SFTPD: variants seen among roughly 807,000 people sequenced by gnomAD.
SFTPD encodes the protein surfactant protein D, also known as pulmonary surfactant-associated protein D.
SFTPD carries 18 observed loss-of-function variants against 34.6 expected under a neutral mutation model. The observed-to-expected ratio is 0.52, with a 90% confidence interval of 0.36 to 0.77. The LOEUF (loss-of-function observed/expected upper bound fraction) is 0.77. Among genes scored for constraint, SFTPD ranks in the 30% least tolerant of loss-of-function variants. The pLI is 0.00. For missense variants in SFTPD, 433 were observed against 468.9 expected, an observed-to-expected ratio of 0.92 and a Z score of 0.71; for synonymous variants, 155 against 180.9, an observed-to-expected ratio of 0.86 and a Z score of 1.15.
At position 79,946,503 on chromosome 10, in the gene SFTPD, G is replaced by C; in HGVS notation, c.157C>G (p.Arg53Gly). ...VESGLPGRDG[R>G]DGREGPRGEK... ...CCCCGAGGGCCCTCTCTCCCATCCC[G>C]TCCATCGCGACCAGGCAGGCCACTC... The change falls in exon 2 of 8, where the codon CGG becomes GGG. Residue 53 changes from arginine to glycine, a missense_variant. Physicochemically the swap from Arg to Gly is moderately radical, Grantham distance 125. Transcript: ENST00000372292. 1 of 1,614,060 alleles carries C rather than the reference G, an allele frequency of 6.2e-7. No individual in the cohort carries two copies. The highest frequency in any genetic ancestry group is 8.5e-7 in the Non-Finnish European group (1 of 1,179,986).
chr10:79,952,640 G>A (rs573370892), upstream of SFTPD, among the ~76,000 whole-genome samples: 124 of 152,214 alleles, frequency 8.1e-4, no homozygotes, highest in Non-Finnish European at 1.4e-3. Flanking sequence ...GGTCCCACCC[G>A]TCCCCTGTGG....
In SFTPD at chr10:79,944,012, G is replaced by C. The variant is rs184347005; in HGVS notation, c.200-1133C>G. 3.2e-4 allele frequency among the ~76,000 whole-genome samples: 49 copies of C among 152,370 alleles called. No individual in the cohort carries two copies. In the South Asian group the frequency reaches 3.3e-3, roughly 10 times the overall value. ...GCCATGAGAGCACCAGGGTGGAGGA[G>C]GGGCACCTCCCCAAATGCTGCACCC... On this transcript the variant is annotated intron_variant, in intron 2 of 7. Coordinates refer to ENST00000372292, the MANE Select transcript of SFTPD (RefSeq NM_003019.5).
At chr10:79,970,108 C>T (rs1842827199) in intron 1 of SFTPD, 1 of 152,190 alleles carries the variant, frequency 6.6e-6, no homozygotes, top group Non-Finnish European at 1.5e-5. Context: ...CTCCAGTTTT[C>T]CCAACATCAT....
chr10:79,952,337 G>A (rs545546304), upstream of SFTPD, among the ~76,000 whole-genome samples: 16 of 152,274 alleles, frequency 1.1e-4, no homozygotes, highest in African/African-American at 2.2e-4. Context: ...GACAGCCAAC[G>A]GTCTATCTGG....
chr10:79,978,424 G>T (rs577238917), intron 1 of SFTPD, among the ~76,000 whole-genome samples: 1 of 152,188 alleles, frequency 6.6e-6, no homozygotes, highest in East Asian at 1.9e-4. Flanking sequence ...GGCCAACGTG[G>T]GTGGATCACT....
rs575021439 is a variant in SFTPD, at chr10:79,977,344, G to A, written c.36+5231C>T. ...AAGCCCCAGCTGAAACCTGAGGCCA[G>A]AGAGCAACCTACTAGCTGTGAAGAA... On this transcript the variant is annotated intron_variant, in intron 1 of 5. Transcript: ENST00000444384. Among the ~76,000 whole-genome samples, 9 of 152,340 alleles carry A rather than the reference G, an allele frequency of 5.9e-5. No individual in the cohort carries two copies. The South Asian group carries it at 1.7e-3, about 28-fold the overall frequency.
At chr10:79,942,131 G>A in intron 4 of SFTPD, 61 bp from the exon 5 acceptor site, 1 of 1,254,462 alleles carries the variant, frequency 8.0e-7, no homozygotes, top group African/African-American at 1.5e-5. Context: ...GTGTGGTTTT[G>A]TTAGCAATGG....
intron 1 of SFTPD, among the ~76,000 whole-genome samples, chr10:79,974,612 A>G (rs1842854226): frequency 6.6e-6 from 1 of 152,184 alleles, no homozygotes; most frequent in South Asian, 2.1e-4. Flanking sequence ...ATGTATATAT[A>G]CCTCTCCATC....
At position 79,946,289 on chromosome 10, in the gene SFTPD, GGCTCA is replaced by G. The variant is rs563843027; in HGVS notation, c.199+167_199+171del. Reference sequence around the variant, plus strand: ...TTGGGTGCTGGAGGAGGCACATGGGGGCTCAGCACAGCCACTTGTTTGCCAGCTGG... The same window carrying G: ...TTGGGTGCTGGAGGAGGCACATGGGGGCACAGCCACTTGTTTGCCAGCTGG... On this transcript the variant is annotated intron_variant, in intron 2 of 7. Transcript: ENST00000372292. Among the ~76,000 whole-genome samples, 8 of 152,252 alleles carry G rather than the reference GGCTCA, an allele frequency of 5.3e-5. No individual in the cohort carries two copies. The South Asian group carries it at 6.2e-4, about 12-fold the overall frequency.
At chr10:79,945,995 T>A (rs1842661141) in intron 2 of SFTPD, among the ~76,000 whole-genome samples, 2 of 152,174 alleles carry the variant, frequency 1.3e-5, no homozygotes, top group Admixed American at 6.5e-5. Flanking sequence ...GTGCCTTTTC[T>A]CCCCGTGTAA....
At chr10:79,982,019 C>G (rs1223998566) in intron 1 of SFTPD, 1 of 292,572 alleles carries the variant, frequency 3.4e-6, no homozygotes, top group East Asian at 8.6e-5. Context: ...AAGAGCGCGC[C>G]GGGCGCCGAC....
Position 79,937,840 on chromosome 10 carries a change from A to C in SFTPD, c.*12T>G, listed in dbSNP as rs754818737. On this transcript the variant is annotated 3_prime_UTR_variant, in exon 8 of 8. Coordinates refer to ENST00000372292, the MANE Select transcript of SFTPD (RefSeq NM_003019.5). ...TCCTGGGCCAAGCACTGCCCCACCC[A>C]CCCCAGTTGGCTCAGAACTCGCAGA... is the stretch of plus-strand genomic sequence containing the variant. 1.4e-5 allele frequency: 21 copies of C among 1,527,756 alleles called. No individual in the cohort carries two copies. Among genetic ancestry groups the C allele is most frequent in the Non-Finnish European group, 1.9e-5 (21 of 1,134,194 alleles). 94.6% of individuals were successfully genotyped at this position (1,527,756 alleles called of 1,614,324 possible). A position where few individuals can be genotyped will look rare whatever the true frequency, so the allele number is the denominator to read the frequency against.
intron 1 of SFTPD, among the ~76,000 whole-genome samples, chr10:79,947,024 C>T (rs761349938): frequency 3.9e-5 from 6 of 152,228 alleles, no homozygotes; most frequent in African/African-American, 4.8e-5. Context: ...CATTGAGTGC[C>T]TCTGGGCAGG....
intron 1 of SFTPD, among the ~76,000 whole-genome samples, chr10:79,954,431 G>T (rs1332692529): frequency 6.6e-6 from 1 of 152,172 alleles, no homozygotes; most frequent in East Asian, 1.9e-4. Flanking sequence ...GCACATGGAG[G>T]ACCTGCTGCT....
chr10:79,966,537 T>A (rs1842804155), intron 1 of SFTPD, among the ~76,000 whole-genome samples: 1 of 142,112 alleles, frequency 7.0e-6, no homozygotes, highest in Non-Finnish European at 1.5e-5. Context: ...GTAGATTGCC[T>A]GTTCACTCTG....
chr10:79,957,690 T>C (rs1842748027), intron 1 of SFTPD, among the ~76,000 whole-genome samples: 1 of 152,164 alleles, frequency 6.6e-6, no homozygotes, highest in Admixed American at 6.5e-5. Flanking sequence ...TACCTGAAAG[T>C]GACATGGAGA....
At chr10:79,950,386 A>C (rs769625071), upstream of SFTPD, 3 of 152,160 alleles carry the variant, frequency 2.0e-5, no homozygotes, top group South Asian at 4.1e-4. Context: ...TGTGGTGACA[A>C]ATTCCCTTTG....
At chr10:79,942,919 A>G in intron 2 of SFTPD, 40 bp from the exon 3 acceptor site, 2 of 1,361,678 alleles carry the variant, frequency 1.5e-6, no homozygotes, top group Non-Finnish European at 2.1e-6. Context: ...CTGGCCCTAG[A>G]CCCAGAAAGG....
chr10:79,970,442 T>G (rs1165592215), intron 1 of SFTPD: 1 of 152,182 alleles, frequency 6.6e-6, no homozygotes, highest in Non-Finnish European at 1.5e-5. Context: ...CTTTATTGAA[T>G]CTGTAGATCA....
Sources: allele counts gnomAD v4.1 joint callset (sites outside exome capture counted in the v4.1 genomes callset), GRCh38; gene constraint gnomAD v4.1.1; transcripts MANE v1.5; gene names NCBI Gene and HGNC (gene_info 2026-07-23, HGNC 2026-07-21).